Variants in ADGRL2 observed in about 807,000 individuals in gnomAD.
ADGRL2 encodes the protein adhesion G protein-coupled receptor L2.
A neutral mutation model predicts 157.4 loss-of-function variants in ADGRL2; 44 were observed. The ratio of observed to expected loss-of-function variants is 0.28; its 90% confidence interval spans 0.22 to 0.36. The LOEUF (loss-of-function observed/expected upper bound fraction) is 0.36, where lower values mean the gene tolerates loss of function less well. Among genes scored for constraint, ADGRL2 ranks in the 10% least tolerant of loss-of-function variants. The pLI is 1.00. For synonymous variants in ADGRL2, 585 were observed against 624.7 expected, an observed-to-expected ratio of 0.94 and a Z score of 0.95; for missense variants, 1,510 against 1,768.9, an observed-to-expected ratio of 0.85 and a Z score of 2.63.
At chr1:81,713,248 C>T (rs1192804321) in intron 1 of ADGRL2, among the ~76,000 whole-genome samples, 1 of 152,126 alleles carries the variant, frequency 6.6e-6, no homozygotes, top group Non-Finnish European at 1.5e-5. Flanking sequence ...GAGATACACT[C>T]TGAGACGTGC....
chr1:81,433,829 C>A (rs2077364110), intron 1 of ADGRL2, among the ~76,000 whole-genome samples: 1 of 152,152 alleles, frequency 6.6e-6, no homozygotes, highest in Admixed American at 6.5e-5. Flanking sequence ...CCGGAGCAGT[C>A]AGATAGCAGC....
intron 2 of ADGRL2, among the ~76,000 whole-genome samples, chr1:81,578,371 C>T (rs150436994): frequency 5.9e-5 from 9 of 152,284 alleles, no homozygotes; most frequent in African/African-American, 9.6e-5. Context: ...TCTAGCTCAT[C>T]GCTGTCATCC....
intron 2 of ADGRL2, among the ~76,000 whole-genome samples, chr1:81,578,810 T>G (rs1344931499): frequency 6.6e-6 from 1 of 152,146 alleles, no homozygotes; most frequent in Non-Finnish European, 1.5e-5. Flanking sequence ...TACAGTTCAT[T>G]ATTTTTCTAT....
intron 1 of ADGRL2, among the ~76,000 whole-genome samples, chr1:81,753,786 A>C (rs1256087274): frequency 6.6e-6 from 1 of 152,208 alleles, no homozygotes; most frequent in African/African-American, 2.4e-5. Flanking sequence ...TCAAGTAATA[A>C]TTTGCATCAT....
At chr1:81,925,727 T>C (rs1283944213) in intron 3 of ADGRL2, among the ~76,000 whole-genome samples, 2 of 152,032 alleles carry the variant, frequency 1.3e-5, no homozygotes, top group Non-Finnish European at 2.9e-5. Context: ...GTATAGGAAG[T>C]TCTGTCGGCA....
intron 3 of ADGRL2, among the ~76,000 whole-genome samples, chr1:81,924,527 T>C (rs2095060709): frequency 1.3e-5 from 2 of 152,166 alleles, no homozygotes; most frequent in East Asian, 1.9e-4. Context: ...GAGAGATGTT[T>C]AGGAGAGAGA....
intron 1 of ADGRL2, among the ~76,000 whole-genome samples, chr1:81,411,938 T>A (rs1435545137): frequency 6.6e-6 from 1 of 151,676 alleles, no homozygotes; most frequent in African/African-American, 2.4e-5. Context: ...GGTTTCTGAA[T>A]GTAGTAAGTC....
At chr1:81,497,986 C>A (rs1365374890) in intron 2 of ADGRL2, among the ~76,000 whole-genome samples, 2 of 152,106 alleles carry the variant, frequency 1.3e-5, no homozygotes, top group African/African-American at 4.8e-5. Context: ...GCGGGCAGAT[C>A]ACGAGGTCAG....
chr1:81,786,743 AGCTTGTTT>A (rs1465620329), intron 2 of ADGRL2, among the ~76,000 whole-genome samples: 1 of 152,218 alleles, frequency 6.6e-6, no homozygotes, highest in Non-Finnish European at 1.5e-5. Flanking sequence ...GTGAAGGCTT[AGCTTGTTT>A]GCCTTAAAAC....
intron 1 of ADGRL2, chr1:81,722,307 T>C: frequency 1.7e-6 from 1 of 583,666 alleles, no homozygotes; most frequent in South Asian, 1.7e-5. Flanking sequence ...AAAAAGAAAA[T>C]GCAGAGATAA....
rs534209819 is a variant in ADGRL2, at chr1:81,459,218, C to T, written c.-248+14129C>T. On this transcript the variant is annotated intron_variant, in intron 2 of 24. Coordinates refer to the ADGRL2 transcript ENST00000370721. ...TGGACTCTATCCAGAACTGGCAGCT[C>T]AGTCTTCAGGCTTTGAACTGTCATT... is the stretch of plus-strand genomic sequence containing the variant. 3.3e-5 allele frequency among the ~76,000 whole-genome samples: 5 copies of T among 152,306 alleles called. No homozygotes were observed. The South Asian group carries it at 1.0e-3, about 32-fold the overall frequency.
intron 1 of ADGRL2, among the ~76,000 whole-genome samples, chr1:81,811,923 G>A (rs943928894): frequency 6.6e-6 from 1 of 151,408 alleles, no homozygotes; most frequent in Non-Finnish European, 1.5e-5. Context: ...GTGTAAGCAA[G>A]GTAATGTTTT....
chr1:81,917,222 C>T (rs926384633), intron 3 of ADGRL2, among the ~76,000 whole-genome samples: 1 of 151,962 alleles, frequency 6.6e-6, no homozygotes, highest in African/African-American at 2.4e-5. Flanking sequence ...AAATTGCATA[C>T]CAAAACTATG....
At chr1:81,819,842 G>A (rs2090803404) in intron 1 of ADGRL2, among the ~76,000 whole-genome samples, 5 of 152,064 alleles carry the variant, frequency 3.3e-5, no homozygotes, top group Admixed American at 3.3e-4. Context: ...ATATTCTTTG[G>A]TTTCCTTAGA....
At chr1:81,661,457 T>A (rs1218226061) in intron 3 of ADGRL2, among the ~76,000 whole-genome samples, 1 of 152,170 alleles carries the variant, frequency 6.6e-6, no homozygotes, top group East Asian at 1.9e-4. Context: ...TTCTTAACTA[T>A]TCCATGGAAA....
intron 3 of ADGRL2, among the ~76,000 whole-genome samples, chr1:81,591,965 G>A (rs571446099): frequency 6.6e-6 from 1 of 152,278 alleles, no homozygotes; most frequent in African/African-American, 2.4e-5. Context: ...GACATCCCTG[G>A]ACTCCTGACC....
chr1:81,746,915 C>CATGTAT (rs1232953174), intron 1 of ADGRL2, among the ~76,000 whole-genome samples: 7 of 133,238 alleles, frequency 5.3e-5, no homozygotes, highest in South Asian at 2.5e-4. Flanking sequence ...CACGTGCACA[C>CATGTAT]GTATATACGT....
rs546914901 is a variant in ADGRL2 at position 81,521,995 on chromosome 1, T to A, written c.-247-58881T>A. 3.3e-5 allele frequency among the ~76,000 whole-genome samples: 5 copies of A among 151,412 alleles called. No homozygotes were observed. In the East Asian group the frequency reaches 9.8e-4, roughly 30 times the overall value. Reference sequence around the variant, plus strand: ...TTTTTTTTTTTTTGAGAAAGAGACTTGTTCTGTCACCCAGGCTGGAGTGCA... The same window carrying A: ...TTTTTTTTTTTTTGAGAAAGAGACTAGTTCTGTCACCCAGGCTGGAGTGCA... On this transcript the variant is annotated intron_variant, in intron 2 of 24. Coordinates refer to the ADGRL2 transcript ENST00000370721.
At chr1:81,815,944 T>TA (rs1448145647) in intron 1 of ADGRL2, among the ~76,000 whole-genome samples, 1 of 151,806 alleles carries the variant, frequency 6.6e-6, no homozygotes, top group Non-Finnish European at 1.5e-5. Context: ...TTGCATTTCT[T>TA]AAAAACATTT....
Sources: gnomAD v4.1 joint callset for allele counts (sites outside exome capture counted in the v4.1 genomes callset) on GRCh38, gnomAD v4.1.1 for gene constraint, MANE v1.5 for transcripts, NCBI Gene and HGNC (gene_info 2026-07-23, HGNC 2026-07-21) for gene names.